Variants in COL27A1 observed in about 807,000 individuals in gnomAD.
COL27A1 encodes the protein collagen alpha-1(XXVII) chain.
In COL27A1, 106 loss-of-function variants were observed where a neutral mutation model predicts 251.3. That is an observed-to-expected ratio of 0.42 (90% confidence interval 0.36 to 0.50). The LOEUF is 0.50. Among genes scored for constraint, COL27A1 ranks in the 20% least tolerant of loss-of-function variants. The pLI is 0.00. For synonymous variants in COL27A1, 1,000 were observed against 986.3 expected, an observed-to-expected ratio of 1.01 and a Z score of -0.26; for missense variants, 2,325 against 2,522.8, an observed-to-expected ratio of 0.92 and a Z score of 1.68.
chr9:114,277,075 TG>T (rs1362539457), intron 37 of COL27A1, among the ~76,000 whole-genome samples: 1 of 152,140 alleles, frequency 6.6e-6, no homozygotes, highest in Non-Finnish European at 1.5e-5. Context: ...GGCTTGGCTG[TG>T]GGGCTGTGAG....
chr9:114,214,753 C>G (rs1830605318), intron 12 of COL27A1, among the ~76,000 whole-genome samples: 1 of 152,236 alleles, frequency 6.6e-6, no homozygotes, highest in Non-Finnish European at 1.5e-5. Context: ...TGGTCCACAG[C>G]TCTCATCCCT....
intron 37 of COL27A1, among the ~76,000 whole-genome samples, chr9:114,280,489 C>T (rs1449641138): frequency 6.6e-6 from 1 of 152,218 alleles, no homozygotes; most frequent in African/African-American, 2.4e-5. Context: ...AGGCATGAGC[C>T]ACCGTGTCCA....
intron 57 of COL27A1, among the ~76,000 whole-genome samples, chr9:114,305,657 C>T (rs929290960): frequency 2.0e-5 from 3 of 152,140 alleles, no homozygotes; most frequent in Admixed American, 6.5e-5. Flanking sequence ...TCACTCCACA[C>T]CAGGGGGAGG....
In COL27A1 at chr9:114,301,703, C is replaced by A. The variant is rs139690392; in HGVS notation, c.4831C>A (p.Arg1611=). The A allele has an allele frequency of 8.9e-4, 1,438 of 1,611,972 alleles. 1 individual carries two copies. The highest frequency in any genetic ancestry group is 1.0e-3 in the Non-Finnish European group (1,192 of 1,179,154). The stretch of plus-strand genomic sequence containing the variant: ...CCAGGGTCCTCCCGGCCCCAGAGGG[C>A]GGCCCGGCCCCCCGGTAGGTAACTG... ...GPRGPPGPRG[R]PGPPGPPGGP... Residue 1611 remains arginine (R), a synonymous_variant, in exon 55 of 61, where the codon CGG becomes AGG. Transcript: ENST00000356083.
chr9:114,300,610 C>A lies in COL27A1; in HGVS notation c.4639-15C>A. On this transcript the variant is annotated splice_polypyrimidine_tract_variant and intron_variant, in intron 50 of 60. Transcript: ENST00000356083. ...GGCTGCCAAGTACAGACAGCCCTTT[C>A]TCTGCCTCCCACAGGGCCCGCCTGG... 5.2e-6 allele frequency: 8 copies of A among 1,536,698 alleles called. No homozygotes were observed. Among genetic ancestry groups the A allele is most frequent in the Non-Finnish European group, 5.2e-6 (6 of 1,143,390 alleles).
At position 114,211,022 on chromosome 9, in the gene COL27A1, T is replaced by A. The variant is rs768682666; in HGVS notation, c.2363T>A (p.Met788Lys). 3.1e-6 allele frequency: 5 copies of A among 1,614,222 alleles called. No homozygotes were observed. The highest frequency in any genetic ancestry group is 1.3e-5 in the African/African-American group (1 of 75,074). The change falls in exon 12 of 61, where the codon ATG becomes AAG. Residue 788 changes from methionine to lysine, a missense_variant. By Grantham distance (95) the Met-to-Lys change is moderately conservative. Around this residue, in one of 4 missense-constraint regions of COL27A1, gnomAD observed 1,183 missense variants for 1,144.1 expected, o/e 1.03. Coordinates refer to ENST00000356083, the MANE Select transcript of COL27A1 (RefSeq NM_032888.4). The part of the protein sequence containing the change: ...GVPGKRGKMG[M>K]PGFPGVFGER... Reference sequence around the variant, plus strand: ...CCTGGCAAGAGGGGCAAGATGGGTATGCCGGTAAAGATTTTCCGTGTCTAT... The same window carrying A: ...CCTGGCAAGAGGGGCAAGATGGGTAAGCCGGTAAAGATTTTCCGTGTCTAT...
chr9:114,188,552 G>A (rs1828538787), intron 5 of COL27A1, among the ~76,000 whole-genome samples: 1 of 152,060 alleles, frequency 6.6e-6, no homozygotes, highest in African/African-American at 2.4e-5. Flanking sequence ...GTGTGTATGT[G>A]CACACATATA....
chr9:114,227,496 G>T (rs902496), intron 14 of COL27A1, among the ~76,000 whole-genome samples: 116,415 of 151,734 alleles, frequency 0.77, 45,257 homozygotes, highest in South Asian at 0.89. Flanking sequence ...ATCTGTAAAA[G>T]GGAGTGGGAC....
intron 7 of COL27A1, among the ~76,000 whole-genome samples, chr9:114,202,551 C>T (rs1040256426): frequency 1.3e-5 from 2 of 152,174 alleles, no homozygotes; most frequent in East Asian, 1.9e-4. Flanking sequence ...CATCATGTCG[C>T]GCTACCTCCC....
chr9:114,269,439 C>G, intron 35 of COL27A1, 145 bp downstream of exon 35: 1 of 560,116 alleles, frequency 1.8e-6, no homozygotes, highest in South Asian at 2.8e-5. Flanking sequence ...CTCGCCCAGT[C>G]TCTCTTGGTA....
Position 114,201,084 on chromosome 9 carries a change from G to A in COL27A1, c.2125-4018G>A, listed in dbSNP as rs554391577. ...GAGGTGATGTCTGGTTTCTCCTTGC[G>A]CATTGTAAGCAATGATTCATCTGGC... is the stretch of plus-strand genomic sequence containing the variant. On this transcript the variant is annotated intron_variant, in intron 7 of 60. Coordinates refer to ENST00000356083, the MANE Select transcript of COL27A1 (RefSeq NM_032888.4). Among the ~76,000 whole-genome samples the A allele has an allele frequency of 6.9e-4, 105 of 152,332 alleles. 1 individual carries two copies. The highest frequency in any genetic ancestry group is 7.7e-4 in the East Asian group (4 of 5,180).
chr9:114,228,880 G>A (rs1251233652), intron 14 of COL27A1, among the ~76,000 whole-genome samples: 3 of 151,938 alleles, frequency 2.0e-5, no homozygotes, highest in Non-Finnish European at 4.4e-5. Context: ...GGAGTTCAAT[G>A]ACGCTATCAC....
chr9:114,301,690 C>T lies in COL27A1; in HGVS notation c.4818C>T (p.Pro1606=), dbSNP rs529138775. 7.3e-5 allele frequency: 118 copies of T among 1,611,028 alleles called. No individual in the cohort carries two copies. In the East Asian group the frequency reaches 8.5e-4, roughly 12 times the overall value. ...DWGLQGPRGP[P]GPRGRPGPPG... Reference sequence around the variant, plus strand: ...TTCTCTTGTTCCCCCAGGGTCCTCCCGGCCCCAGAGGGCGGCCCGGCCCCC... The same window carrying T: ...TTCTCTTGTTCCCCCAGGGTCCTCCTGGCCCCAGAGGGCGGCCCGGCCCCC... The change falls in exon 55 of 61, where the codon CCC becomes CCT. Residue 1606 remains proline, a synonymous_variant. Coordinates refer to ENST00000356083, the MANE Select transcript of COL27A1 (RefSeq NM_032888.4).
At chr9:114,280,391 C>T (rs769678509) in intron 37 of COL27A1, among the ~76,000 whole-genome samples, 24 of 152,126 alleles carry the variant, frequency 1.6e-4, no homozygotes, top group Non-Finnish European at 3.2e-4. Flanking sequence ...TTAGTAGAGA[C>T]AGCATTTTGC....
chr9:114,290,286 T>C lies in COL27A1; in HGVS notation c.4323T>C (p.Ala1441=), dbSNP rs1827824926. The change falls in exon 47 of 61, where the codon GCT becomes GCC. Residue 1441 remains alanine (A), a synonymous_variant. Coordinates refer to ENST00000356083, the MANE Select transcript of COL27A1 (RefSeq NM_032888.4). This position sits in a 1 kb window ranked among gnomAD's most constrained non-coding sequence, Gnocchi z 4.6. ...VVGRQGLEGI[A]GPDGLPGRDG... is the part of the protein sequence containing the mutation. The stretch of plus-strand genomic sequence containing the variant: ...GGAGACAGGGCCTCGAGGGCATCGC[T>C]GGACCAGATGGGCTTCCTGGCAGGG... 2 of 1,582,892 alleles carry C rather than the reference T, an allele frequency of 1.3e-6. No individual in the cohort carries two copies. Among genetic ancestry groups the C allele is most frequent in the African/African-American group, 2.7e-5 (2 of 74,724 alleles).
At chr9:114,258,816 C>T (rs1223538338) in intron 28 of COL27A1, among the ~76,000 whole-genome samples, 1 of 152,364 alleles carries the variant, frequency 6.6e-6, no homozygotes, top group East Asian at 1.9e-4. Flanking sequence ...ATCCACCAGG[C>T]ACAGTCGGGC....
At chr9:114,224,873 T>C (rs371012978) in intron 14 of COL27A1, among the ~76,000 whole-genome samples, 38 of 152,054 alleles carry the variant, frequency 2.5e-4, no homozygotes, top group African/African-American at 9.2e-4. Context: ...CCCAGGCTGG[T>C]CTCCAACTCC....
intron 28 of COL27A1, among the ~76,000 whole-genome samples, chr9:114,260,607 C>A (rs923605): frequency 0.3 from 45,938 of 151,912 alleles, 7,862 homozygotes; most frequent in Admixed American, 0.41. Context: ...GTAGGACGGG[C>A]CCTGCTCCCC....
chr9:114,227,405 G>A (rs1229487311), intron 14 of COL27A1, among the ~76,000 whole-genome samples: 1 of 151,582 alleles, frequency 6.6e-6, no homozygotes, highest in Non-Finnish European at 1.5e-5. Context: ...ACAGACCTGG[G>A]TTCTGGTCCT....
Sources: allele counts gnomAD v4.1 joint callset (sites outside exome capture counted in the v4.1 genomes callset), GRCh38; gene constraint gnomAD v4.1.1; regional missense constraint gnomAD v4.1.1; non-coding constraint Gnocchi (gnomAD v3.1); transcripts MANE v1.5; gene names NCBI Gene and HGNC (gene_info 2026-07-23, HGNC 2026-07-21).